Variants in MYO16 observed in about 807,000 individuals in gnomAD.
The protein encoded by MYO16 is unconventional myosin-XVI.
MYO16 carries 94 observed loss-of-function variants against 205.3 expected under a neutral mutation model. That is an observed-to-expected ratio of 0.46 (90% CI 0.39 to 0.54). The LOEUF is 0.54. Ranked by LOEUF, MYO16 falls within the 20% of genes least tolerant of loss-of-function variation. The pLI, the probability that MYO16 is intolerant of heterozygous loss-of-function variation, is 0.00. For missense variants in MYO16, 2,315 were observed against 2,387.5 expected (o/e 0.97, Z 0.63); for synonymous variants, 988 against 954.0 (o/e 1.04, Z -0.66).
At chr13:108,522,024 G>T in the MYO16 span, among the ~76,000 whole-genome samples, 2 of 152,118 alleles carry the variant, frequency 1.3e-5, no homozygotes, top group Non-Finnish European at 2.9e-5. Flanking sequence ...GTGTACACAG[G>T]TTTCCCAATA....
rs947743635 is a variant in MYO16 at position 109,141,455 on chromosome 13, C to G, written c.5164+79C>G. 1 of 996,088 alleles carries G rather than the reference C, an allele frequency of 1.0e-6. No individual in the cohort carries two copies. The highest frequency in any genetic ancestry group is 1.4e-6 in the Non-Finnish European group (1 of 729,638). 61.7% of individuals were successfully genotyped at this position (996,088 alleles called of 1,614,324 possible). On this transcript the variant is annotated intron_variant, in intron 32 of 34. Coordinates refer to ENST00000457511, the MANE Select transcript of MYO16 (RefSeq NM_001198950.3). This position sits in a 1 kb window ranked among gnomAD's most constrained non-coding sequence, Gnocchi z 4.1. ...GCACCTGTGTACATCCGTGTCTGCG[C>G]AGATGTGAAATAGTAAAGTTTCAGG...
chr13:108,931,143 A>G (rs983517777), intron 16 of MYO16, among the ~76,000 whole-genome samples: 5 of 152,174 alleles, frequency 3.3e-5, no homozygotes, highest in Non-Finnish European at 7.4e-5. Flanking sequence ...CACCTGTTTT[A>G]TATGTTAGAA....
At chr13:108,736,682 A>C (rs1460126852) in intron 4 of MYO16, among the ~76,000 whole-genome samples, 1 of 152,084 alleles carries the variant, frequency 6.6e-6, no homozygotes, top group Non-Finnish European at 1.5e-5. Context: ...CTCTGAAGAG[A>C]GTCATTGGTA....
chr13:108,973,175 G>A (rs1031576280), intron 20 of MYO16, among the ~76,000 whole-genome samples: 15 of 151,504 alleles, frequency 9.9e-5, no homozygotes, highest in African/African-American at 2.9e-4. Context: ...TTCACAAGTC[G>A]AAACTGATTA....
intron 28 of MYO16, among the ~76,000 whole-genome samples, chr13:109,115,242 C>CAAAAAAA (rs61441934): frequency 1.2e-4 from 7 of 58,034 alleles, no homozygotes; most frequent in African/African-American, 4.7e-4. Context: ...CTACACCTCT[C>CAAAAAAA]AAAAAAAAAA....
At chr13:108,924,097 G>T (rs368256512) in intron 16 of MYO16, among the ~76,000 whole-genome samples, 51 of 152,246 alleles carry the variant, frequency 3.3e-4, no homozygotes, top group African/African-American at 1.2e-3. Flanking sequence ...CCAAAGATAT[G>T]TTAAAATATG....
chr13:108,837,512 G>C (rs1184552210), intron 9 of MYO16, among the ~76,000 whole-genome samples: 1 of 152,176 alleles, frequency 6.6e-6, no homozygotes, highest in African/African-American at 2.4e-5. Flanking sequence ...AGTTCTATGA[G>C]AGATGATTTA....
At position 108,636,952 on chromosome 13, in the gene MYO16, G is replaced by A. The variant is rs1209558216; in HGVS notation, c.28+7080G>A. Among the ~76,000 whole-genome samples the A allele has an allele frequency of 3.3e-5, 5 of 152,130 alleles. No homozygotes were observed. In the East Asian group the frequency reaches 9.6e-4, roughly 29 times the overall value. On this transcript the variant is annotated intron_variant, in intron 1 of 34. Coordinates refer to ENST00000457511, the MANE Select transcript of MYO16 (RefSeq NM_001198950.3). ...CATACTAGTGTGAAGTCTAGGATGT[G>A]TAAACATAATGCAATTAAGAGAAAG...
intron 4 of MYO16, among the ~76,000 whole-genome samples, chr13:108,740,371 C>T (rs1566580891): frequency 1.3e-5 from 2 of 152,154 alleles, no homozygotes; most frequent in Admixed American, 6.5e-5. Flanking sequence ...CTCTCAGTTG[C>T]AGGTCTGTTG....
intron 14 of MYO16, among the ~76,000 whole-genome samples, chr13:108,891,758 T>C (rs1025638600): frequency 6.6e-6 from 1 of 152,250 alleles, no homozygotes; most frequent in African/African-American, 2.4e-5. Context: ...CTGATTATAT[T>C]CATGCAAGAC....
At chr13:108,991,399 A>T (rs1884824098) in intron 20 of MYO16, among the ~76,000 whole-genome samples, 1 of 152,238 alleles carries the variant, frequency 6.6e-6, no homozygotes. Context: ...TCTTTAAATT[A>T]TCCTTCAAAA....
chr13:108,774,851 T>C (rs1200098384), intron 4 of MYO16, among the ~76,000 whole-genome samples: 2 of 152,178 alleles, frequency 1.3e-5, no homozygotes, highest in African/African-American at 2.4e-5. Context: ...TGAGAAAGTA[T>C]ATATGTTTTT....
rs956598725 is a variant in MYO16, at chr13:109,125,989, C to T, written c.3782+631C>T. 6.6e-6 allele frequency among the ~76,000 whole-genome samples: 1 copy of T among 152,196 alleles called. No homozygotes were observed. Among genetic ancestry groups the T allele is most frequent in the African/African-American group, 2.4e-5 (1 of 41,452 alleles). On this transcript the variant is annotated intron_variant, in intron 30 of 34. Transcript: ENST00000457511. This position sits in a 1 kb window ranked among gnomAD's most constrained non-coding sequence, Gnocchi z 4.0. ...CTCCTCTCTCTGTGAATGATGAAGA[C>T]ACCCGTGAATCACAACACCCCTAAG...
At chr13:109,012,350 G>A (rs1410631744) in intron 22 of MYO16, among the ~76,000 whole-genome samples, 1 of 152,082 alleles carries the variant, frequency 6.6e-6, no homozygotes, top group Non-Finnish European at 1.5e-5. Context: ...CCCGTCACTG[G>A]CATCTCACCG....
the MYO16 span, among the ~76,000 whole-genome samples, chr13:108,571,297 G>A: frequency 2.7e-5 from 4 of 149,638 alleles, no homozygotes; most frequent in South Asian, 8.4e-4. Context: ...ATTAGCCCTG[G>A]GATGAAAAAA....
chr13:108,660,467 A>G (rs1180641095), intron 1 of MYO16, among the ~76,000 whole-genome samples: 29 of 152,312 alleles, frequency 1.9e-4, no homozygotes, highest in Non-Finnish European at 8.8e-5. Flanking sequence ...TGTTAGGTAC[A>G]TATATATTTA....
chr13:108,809,835 C>G (rs549797618), intron 7 of MYO16, among the ~76,000 whole-genome samples: 2 of 152,182 alleles, frequency 1.3e-5, no homozygotes, highest in Non-Finnish European at 2.9e-5. Flanking sequence ...GGTACCAGCC[C>G]CACCACTCAC....
chr13:108,523,346 G>A, the MYO16 span, among the ~76,000 whole-genome samples: 4 of 152,160 alleles, frequency 2.6e-5, no homozygotes, highest in Non-Finnish European at 5.9e-5. Context: ...CTCCTCCATC[G>A]TATCTGTTTC....
intron 2 of MYO16, among the ~76,000 whole-genome samples, chr13:108,689,807 T>C (rs1200359495): frequency 6.6e-6 from 1 of 152,138 alleles, no homozygotes; most frequent in Non-Finnish European, 1.5e-5. Context: ...ATTTTTCTAG[T>C]TGTTTCATTT....
Sources: gnomAD v4.1 joint callset for allele counts (sites outside exome capture counted in the v4.1 genomes callset) on GRCh38, gnomAD v4.1.1 for gene constraint, Gnocchi (gnomAD v3.1) non-coding constraint, MANE v1.5 for transcripts, NCBI Gene and HGNC (gene_info 2026-07-23, HGNC 2026-07-21) for gene names.